CNTN4: variants seen among roughly 807,000 people sequenced by gnomAD.
CNTN4 encodes the protein contactin-4.
Under a neutral mutation model 122.5 loss-of-function variants are expected in CNTN4, and 77 were observed. The ratio of observed to expected loss-of-function variants is 0.63; its 90% CI spans 0.52 to 0.76. The LOEUF (loss-of-function observed/expected upper bound fraction) is 0.76. Ranked by LOEUF, CNTN4 falls within the 30% of genes least tolerant of loss-of-function variation. The pLI is 0.00. For synonymous variants in CNTN4, 512 were observed against 447.0 expected (o/e 1.15, Z -1.83); for missense variants, 1,256 against 1,259.1 (o/e 1.00, Z 0.04).
chr3:2,219,950 T>A (rs182864576), intron 2 of CNTN4, among the ~76,000 whole-genome samples: 1 of 152,184 alleles, frequency 6.6e-6, no homozygotes, highest in Admixed American at 6.5e-5. Flanking sequence ...ATCTTTCTAC[T>A]TCCTATTACC....
chr3:2,198,490 C>A (rs1559335191), intron 2 of CNTN4, among the ~76,000 whole-genome samples: 1 of 152,074 alleles, frequency 6.6e-6, no homozygotes, highest in East Asian at 1.9e-4. Context: ...GTTGTGAAAT[C>A]ATACAGAGAT....
At chr3:2,736,034 A>G (rs779928123) in intron 4 of CNTN4, 181 bp from the exon 5 acceptor site, 6 of 743,712 alleles carry the variant, frequency 8.1e-6, no homozygotes, top group Non-Finnish European at 1.5e-5. Flanking sequence ...TCACTTCATC[A>G]TAATCCACAG....
chr3:2,448,569 T>C (rs1216868121), intron 3 of CNTN4, among the ~76,000 whole-genome samples: 1 of 152,148 alleles, frequency 6.6e-6, no homozygotes, highest in Non-Finnish European at 1.5e-5. Flanking sequence ...GGGCATGAAG[T>C]AGTACTCTGC....
At chr3:2,471,861 T>C (rs537227430) in intron 3 of CNTN4, among the ~76,000 whole-genome samples, 7 of 152,198 alleles carry the variant, frequency 4.6e-5, no homozygotes, top group Non-Finnish European at 7.3e-5. Flanking sequence ...AATGCCTTAT[T>C]TTCGTCAAAG....
intron 6 of CNTN4, among the ~76,000 whole-genome samples, chr3:2,791,246 AACTG>A (rs1163796267): frequency 6.6e-6 from 1 of 152,166 alleles, no homozygotes; most frequent in Non-Finnish European, 1.5e-5. Context: ...AAGATGAGGA[AACTG>A]ACTGGGCATG....
chr3:2,874,182 A>G (rs2093817033), intron 8 of CNTN4, among the ~76,000 whole-genome samples: 1 of 152,204 alleles, frequency 6.6e-6, no homozygotes, highest in Non-Finnish European at 1.5e-5. Context: ...ATTCCATTTC[A>G]GGTCCATGGG....
chr3:2,912,019 C>G (rs554141905), intron 12 of CNTN4, among the ~76,000 whole-genome samples: 54 of 152,112 alleles, frequency 3.6e-4, no homozygotes, highest in African/African-American at 1.2e-3. Context: ...GAGAGCCTAT[C>G]TGAAGAAAAA....
intron 2 of CNTN4, among the ~76,000 whole-genome samples, chr3:2,227,109 T>C (rs1446176770): frequency 6.6e-6 from 1 of 152,184 alleles, no homozygotes. Flanking sequence ...TATTTGCAGA[T>C]ATGTGCATTC....
intron 4 of CNTN4, among the ~76,000 whole-genome samples, chr3:2,634,864 A>G (rs949967113): frequency 6.6e-6 from 1 of 151,932 alleles, no homozygotes; most frequent in South Asian, 2.1e-4. Context: ...TCAAAAAATA[A>G]CAATAAAATA....
chr3:2,569,168 A>G (rs916766518), intron 3 of CNTN4, among the ~76,000 whole-genome samples: 1 of 151,850 alleles, frequency 6.6e-6, no homozygotes, highest in African/African-American at 2.4e-5. Flanking sequence ...TTGTCTTCAC[A>G]ATATATTAAG....
At chr3:2,435,707 A>G (rs1287388940) in intron 3 of CNTN4, among the ~76,000 whole-genome samples, 1 of 152,194 alleles carries the variant, frequency 6.6e-6, no homozygotes, top group East Asian at 1.9e-4. Context: ...TATTACATAC[A>G]AGGGATGTTC....
At position 3,056,158 on chromosome 3, in the gene CNTN4, G is replaced by T; in HGVS notation, c.3019G>T (p.Ala1007Ser). 1 of 1,614,110 alleles carries T rather than the reference G, an allele frequency of 6.2e-7. No individual in the cohort carries two copies. The highest frequency in any genetic ancestry group is 8.5e-7 in the Non-Finnish European group (1 of 1,179,986). The change falls in exon 25 of 25, where the codon GCA becomes TCA. Residue 1007 changes from alanine (A) to serine (S), a missense_variant. By Grantham distance (99) the Ala-to-Ser change is moderately conservative (BLOSUM62 1). Transcript: ENST00000418658. ...ARGSGASTSN[A>S]CTLSAISTIM... The stretch of plus-strand genomic sequence containing the variant: ...AGGATCTGGGGCTTCCACTTCGAAT[G>T]CATGTACGCTGTCAGCCATCAGTAC...
chr3:2,132,711 C>T (rs959011710), intron 2 of CNTN4, among the ~76,000 whole-genome samples: 3 of 151,998 alleles, frequency 2.0e-5, no homozygotes, highest in Admixed American at 6.6e-5. Flanking sequence ...TTTTCTCACT[C>T]GTATTTATAT....
At chr3:2,786,754 C>T (rs1270780856) in intron 6 of CNTN4, among the ~76,000 whole-genome samples, 1 of 152,126 alleles carries the variant, frequency 6.6e-6, no homozygotes, top group Non-Finnish European at 1.5e-5. Context: ...ATGGTTTTTG[C>T]TCATGATTTT....
At chr3:2,985,292 C>T (rs1411682091) in intron 13 of CNTN4, 1 of 152,344 alleles carries the variant, frequency 6.6e-6, no homozygotes, top group Non-Finnish European at 1.5e-5. Flanking sequence ...TATGTAAGAA[C>T]ATTCTCCTTT....
chr3:2,750,747 C>G (rs183751810), intron 6 of CNTN4, among the ~76,000 whole-genome samples: 5 of 152,280 alleles, frequency 3.3e-5, no homozygotes, highest in African/African-American at 1.2e-4. Context: ...ATATGATTGA[C>G]TAGATCCTCT....
At chr3:2,362,676 G>T in intron 3 of CNTN4, 1 of 390,758 alleles carries the variant, frequency 2.6e-6, no homozygotes. Flanking sequence ...GAAGCTGGGT[G>T]AACAATCCGT....
chr3:2,392,195 C>A (rs539964792), intron 3 of CNTN4, among the ~76,000 whole-genome samples: 6 of 152,188 alleles, frequency 3.9e-5, no homozygotes, highest in African/African-American at 1.4e-4. Flanking sequence ...AAGTTAGTGT[C>A]AAGAAAGCAA....
intron 14 of CNTN4, among the ~76,000 whole-genome samples, chr3:2,992,954 G>C (rs577405383): frequency 3.3e-5 from 5 of 152,226 alleles, no homozygotes; most frequent in African/African-American, 1.2e-4. Flanking sequence ...CTAGGGAGGA[G>C]GCCTGGAAAA....
Sources: gnomAD v4.1 joint callset for allele counts (sites outside exome capture counted in the v4.1 genomes callset) on GRCh38, gnomAD v4.1.1 for gene constraint, MANE v1.5 for transcripts, NCBI Gene and HGNC (gene_info 2026-07-23, HGNC 2026-07-21) for gene names.